Variants in MAD1L1 observed in about 807,000 individuals in gnomAD.
MAD1L1 encodes the protein mitotic spindle assembly checkpoint protein MAD1.
Under a neutral mutation model 96.9 loss-of-function variants are expected in MAD1L1, and 95 were observed. The observed-to-expected ratio is 0.98, with a 90% CI of 0.83 to 1.16. The LOEUF (loss-of-function observed/expected upper bound fraction) is 1.16, where lower values mean the gene tolerates loss of function less well. Ranked by LOEUF, MAD1L1 falls within the 50% of genes most tolerant of loss-of-function variation. The pLI is 0.00. For missense variants in MAD1L1, 1,007 were observed against 954.4 expected (o/e 1.06, Z -0.73); for synonymous variants, 473 against 396.6 (o/e 1.19, Z -2.29).
intron 18 of MAD1L1, among the ~76,000 whole-genome samples, chr7:1,893,658 C>A (rs1469872717): frequency 6.6e-6 from 1 of 152,076 alleles, no homozygotes; most frequent in Admixed American, 6.5e-5. Flanking sequence ...CCTAGTGATG[C>A]TCAGCCCCCT....
intron 12 of MAD1L1, among the ~76,000 whole-genome samples, chr7:2,049,844 C>T (rs1481074919): frequency 6.6e-6 from 1 of 151,744 alleles, no homozygotes; most frequent in African/African-American, 2.4e-5. Context: ...CACCAGACCA[C>T]ACGTTCACAG....
intron 16 of MAD1L1, among the ~76,000 whole-genome samples, chr7:1,941,134 G>A (rs969890080): frequency 2.0e-5 from 3 of 152,136 alleles, no homozygotes; most frequent in Non-Finnish European, 2.9e-5. Flanking sequence ...TTAGCAGATA[G>A]GGGGACTTGC....
At chr7:2,115,542 G>C (rs1787638220) in intron 11 of MAD1L1, among the ~76,000 whole-genome samples, 1 of 150,310 alleles carries the variant, frequency 6.7e-6, no homozygotes, top group Non-Finnish European at 1.5e-5. Context: ...TCCGGGGTCA[G>C]AGGAGGCGCT....
At chr7:1,998,574 G>C (rs1781656772) in intron 14 of MAD1L1, among the ~76,000 whole-genome samples, 1 of 152,190 alleles carries the variant, frequency 6.6e-6, no homozygotes. Flanking sequence ...GGCATCTTCA[G>C]ATGGGAGCAT....
intron 18 of MAD1L1, among the ~76,000 whole-genome samples, chr7:1,896,835 T>C (rs562850281): frequency 3.3e-5 from 5 of 152,382 alleles, no homozygotes; most frequent in African/African-American, 1.2e-4. Flanking sequence ...AGTGATATGT[T>C]AAGTGATAAC....
At chr7:2,172,156 G>A (rs145955425) in intron 10 of MAD1L1, among the ~76,000 whole-genome samples, 33 of 152,280 alleles carry the variant, frequency 2.2e-4, no homozygotes, top group Non-Finnish European at 4.4e-4. Flanking sequence ...TGAAGGCCCA[G>A]GAAGTGCTTG....
intron 10 of MAD1L1, among the ~76,000 whole-genome samples, chr7:2,194,240 G>A (rs536359753): frequency 2.6e-5 from 4 of 152,172 alleles, no homozygotes; most frequent in Non-Finnish European, 4.4e-5. Flanking sequence ...GATTACGGGC[G>A]TGAGCCACTA....
intron 11 of MAD1L1, among the ~76,000 whole-genome samples, chr7:2,078,454 C>T (rs916782626): frequency 4.6e-5 from 7 of 152,218 alleles, no homozygotes; most frequent in South Asian, 2.1e-4. Flanking sequence ...CCCTGCCCCA[C>T]GCTCACGGGG....
chr7:1,946,605 G>T (rs1052515668), intron 16 of MAD1L1, among the ~76,000 whole-genome samples: 7 of 152,278 alleles, frequency 4.6e-5, no homozygotes, highest in African/African-American at 7.2e-5. Flanking sequence ...TGCAGAGCGA[G>T]CAGGCGCTCT....
At chr7:2,072,631 C>T (rs907523219) in intron 11 of MAD1L1, among the ~76,000 whole-genome samples, 1 of 152,230 alleles carries the variant, frequency 6.6e-6, no homozygotes, top group Admixed American at 6.5e-5. Flanking sequence ...AATCACGGCT[C>T]CGTGTGGTCA....
chr7:1,823,248 CAAAT>C (rs937261304), intron 18 of MAD1L1, among the ~76,000 whole-genome samples: 34 of 152,076 alleles, frequency 2.2e-4, no homozygotes, highest in African/African-American at 8.2e-4. Flanking sequence ...CCTCACATCT[CAAAT>C]AAAATTTAAC....
intron 15 of MAD1L1, among the ~76,000 whole-genome samples, chr7:1,959,627 C>T (rs909238438): frequency 2.0e-5 from 3 of 151,968 alleles, no homozygotes; most frequent in Non-Finnish European, 2.9e-5. Flanking sequence ...AACAGTGCAA[C>T]GGAGAAAAGA....
intron 12 of MAD1L1, among the ~76,000 whole-genome samples, chr7:2,020,801 T>C (rs773504176): frequency 2.3e-4 from 35 of 151,388 alleles, no homozygotes; most frequent in South Asian, 4.2e-4. Context: ...CTCTGTCGTC[T>C]AGGCTACGGT....
At chr7:2,177,819 G>C (rs888340338) in intron 10 of MAD1L1, among the ~76,000 whole-genome samples, 1 of 152,208 alleles carries the variant, frequency 6.6e-6, no homozygotes, top group Non-Finnish European at 1.5e-5. Context: ...GCCAGAGTTT[G>C]CATCTTCAAC....
rs549505242 is a variant in MAD1L1, at chr7:2,214,010, C to A, written c.925-737G>T. The stretch of plus-strand genomic sequence containing the variant: ...CAAGTCAGTGAGGTATTCTCACAGC[C>A]CCTCCTATGCGCAGGCACGCACTTG... On this transcript the variant is annotated intron_variant, in intron 9 of 18. Transcript: ENST00000265854. Among the ~76,000 whole-genome samples the A allele has an allele frequency of 3.3e-4, 51 of 152,372 alleles. No individual in the cohort carries two copies. In the South Asian group the frequency reaches 0.01, roughly 30 times the overall value.
chr7:1,854,232 C>G (rs1043721938), intron 18 of MAD1L1: 6 of 347,176 alleles, frequency 1.7e-5, no homozygotes, highest in Non-Finnish European at 2.8e-5. Context: ...CCCACCATGG[C>G]CCCGGTGCCT....
At chr7:2,192,724 C>A (rs954907075) in intron 10 of MAD1L1, among the ~76,000 whole-genome samples, 2 of 152,150 alleles carry the variant, frequency 1.3e-5, no homozygotes, top group African/African-American at 4.8e-5. Flanking sequence ...AACGTCATGC[C>A]CCAAGGAAAC....
Position 1,983,405 on chromosome 7 carries a change from C to T in MAD1L1, c.1417-2864G>A, listed in dbSNP as rs182180678. Among the ~76,000 whole-genome samples, 620 of 152,256 alleles carry T rather than the reference C, an allele frequency of 4.1e-3. 5 individuals carry two copies. Among genetic ancestry groups the T allele is most frequent in the African/African-American group, 0.014 (589 of 41,528 alleles). On this transcript the variant is annotated intron_variant, in intron 14 of 18. Transcript: ENST00000265854. Reference sequence around the variant, plus strand: ...AGCAGCCATGGCAATTTTGGGACAACGTTTTTCTACAGTAATTGATCTGTT... The same window carrying T: ...AGCAGCCATGGCAATTTTGGGACAATGTTTTTCTACAGTAATTGATCTGTT...
chr7:2,133,808 G>A (rs1223457983), intron 11 of MAD1L1, among the ~76,000 whole-genome samples: 1 of 152,182 alleles, frequency 6.6e-6, no homozygotes, highest in South Asian at 2.1e-4. Context: ...GTTTTCCTCT[G>A]AGCTGCCTTT....
Sources: gnomAD v4.1 joint callset for allele counts (sites outside exome capture counted in the v4.1 genomes callset) on GRCh38, gnomAD v4.1.1 for gene constraint, MANE v1.5 for transcripts, NCBI Gene and HGNC (gene_info 2026-07-23, HGNC 2026-07-21) for gene names.